The following GMDS variants were observed in gnomAD, a reference collection of about 807,000 sequenced individuals.
GMDS encodes the protein GDP-mannose 4,6-dehydratase.
In GMDS, 20 loss-of-function variants were observed where a neutral mutation model predicts 49.9. That is an observed-to-expected ratio of 0.40 (90% CI 0.28 to 0.58). GMDS has a LOEUF of 0.58. Among genes scored for constraint, GMDS ranks in the 20% least tolerant of loss-of-function variants. GMDS has a pLI of 0.42. For missense variants in GMDS, 362 were observed against 481.4 expected (o/e 0.75, Z 2.32); for synonymous variants, 177 against 178.6 (o/e 0.99, Z 0.07).
rs115705778 is a variant in GMDS, at chr6:2,142,838, G to A, written c.103-18107C>T. On this transcript the variant is annotated intron_variant, in intron 1 of 10. Transcript: ENST00000380815. ...TAACTGTCAGGAAGCCCCCAGACTC[G>A]CCTGCCTGTCACACTGGCTTTCTCT... Among the ~76,000 whole-genome samples the A allele has an allele frequency of 5.7e-3, 868 of 152,164 alleles. 2 individuals carry two copies. Among genetic ancestry groups the A allele is most frequent in the Middle Eastern group, 0.017 (5 of 294 alleles).
At chr6:1,922,304 A>C (rs975705661) in intron 7 of GMDS, among the ~76,000 whole-genome samples, 2 of 152,204 alleles carry the variant, frequency 1.3e-5, no homozygotes, top group Non-Finnish European at 2.9e-5. Flanking sequence ...GCTTTCTGTT[A>C]AGTAAGGCCT....
chr6:2,068,627 C>A (rs201250574), intron 4 of GMDS, among the ~76,000 whole-genome samples: 28,542 of 151,876 alleles, frequency 0.19, 2,988 homozygotes, highest in East Asian at 0.23. Context: ...CAACAACAGA[C>A]AAACAGAGAG....
intron 1 of GMDS, among the ~76,000 whole-genome samples, chr6:2,185,914 G>T (rs183255991): frequency 2.0e-4 from 30 of 152,180 alleles, no homozygotes; most frequent in African/African-American, 7.0e-4. Flanking sequence ...CCAAAACTCT[G>T]CAGATTGTTA....
intron 9 of GMDS, among the ~76,000 whole-genome samples, chr6:1,681,323 C>A (rs1764781803): frequency 1.3e-5 from 2 of 152,164 alleles, no homozygotes; most frequent in Admixed American, 1.3e-4. Flanking sequence ...CCATGGGTGA[C>A]ATCTTACTAC....
chr6:2,000,197 G>A (rs564194295), intron 4 of GMDS, among the ~76,000 whole-genome samples: 16 of 146,314 alleles, frequency 1.1e-4, no homozygotes, highest in African/African-American at 2.8e-4. Context: ...CACCATGCCC[G>A]GCTAATTTTT....
chr6:1,878,035 T>C (rs554319276), intron 7 of GMDS, among the ~76,000 whole-genome samples: 28 of 152,176 alleles, frequency 1.8e-4, no homozygotes, highest in East Asian at 5.8e-4. Flanking sequence ...GAAGTCCTGC[T>C]GGGCGCGGTG....
chr6:1,826,898 A>T (rs1266465705), intron 7 of GMDS, among the ~76,000 whole-genome samples: 1 of 150,344 alleles, frequency 6.7e-6, no homozygotes, highest in African/African-American at 2.4e-5. Context: ...GACACTCTCT[A>T]AAAAAAAAGG....
Position 1,808,090 on chromosome 6 carries a change from C to A in GMDS, c.772-65504G>T, listed in dbSNP as rs1770256464. 2.0e-5 allele frequency among the ~76,000 whole-genome samples: 3 copies of A among 152,308 alleles called. No homozygotes were observed. In the South Asian group the frequency reaches 6.2e-4, roughly 32 times the overall value. On this transcript the variant is annotated intron_variant, in intron 7 of 10. Coordinates refer to ENST00000380815, the MANE Select transcript of GMDS (RefSeq NM_001500.4). ...TGTAATTTGCAGTACGCTTTTCTGC[C>A]TCCCTGATTAAACTGATAACTTCTT...
chr6:2,151,868 T>C (rs1373843482), intron 1 of GMDS, among the ~76,000 whole-genome samples: 1 of 152,156 alleles, frequency 6.6e-6, no homozygotes, highest in African/African-American at 2.4e-5. Flanking sequence ...TGATTTTTTC[T>C]TATGACAAAT....
intron 1 of GMDS, among the ~76,000 whole-genome samples, chr6:2,174,158 T>G (rs976599640): frequency 1.3e-5 from 2 of 152,216 alleles, no homozygotes; most frequent in African/African-American, 4.8e-5. Flanking sequence ...TGTGCAAGGT[T>G]CTGTGCTTAG....
intron 9 of GMDS, among the ~76,000 whole-genome samples, chr6:1,654,897 C>T (rs182694568): frequency 3.3e-5 from 5 of 152,004 alleles, no homozygotes; most frequent in African/African-American, 1.2e-4. Context: ...CCCATCTCTA[C>T]TAAAAATACA....
At chr6:1,944,569 C>T (rs1306468911) in intron 6 of GMDS, among the ~76,000 whole-genome samples, 1 of 149,964 alleles carries the variant, frequency 6.7e-6, no homozygotes, top group Non-Finnish European at 1.5e-5. Context: ...ACTCGGGAGG[C>T]TGAGGCAGGA....
chr6:1,754,572 C>CA (rs1481549959), intron 7 of GMDS, among the ~76,000 whole-genome samples: 3 of 151,982 alleles, frequency 2.0e-5, no homozygotes, highest in East Asian at 3.8e-4. Context: ...TGAGACACAA[C>CA]AAAAAAAGAC....
intron 4 of GMDS, among the ~76,000 whole-genome samples, chr6:2,020,215 T>C (rs542571223): frequency 4.6e-5 from 7 of 152,240 alleles, no homozygotes; most frequent in Non-Finnish European, 1.0e-4. Flanking sequence ...AGGCTAGCCT[T>C]GAGAACAATA....
chr6:2,208,979 C>T (rs1248274786), intron 1 of GMDS, among the ~76,000 whole-genome samples: 1 of 152,154 alleles, frequency 6.6e-6, no homozygotes, highest in East Asian at 1.9e-4. Context: ...ACTTAATTCT[C>T]AAGCTCAGTT....
intron 7 of GMDS, among the ~76,000 whole-genome samples, chr6:1,854,313 A>C (rs1757846695): frequency 6.6e-6 from 1 of 152,178 alleles, no homozygotes; most frequent in African/African-American, 2.4e-5. Context: ...TACTGCAAAC[A>C]AGGGCAAAAA....
chr6:1,678,629 T>C (rs1312232220), intron 9 of GMDS, among the ~76,000 whole-genome samples: 3 of 151,964 alleles, frequency 2.0e-5, no homozygotes, highest in Non-Finnish European at 1.5e-5. Flanking sequence ...CATGGAAAGG[T>C]AACACGTAAA....
chr6:1,624,294 C>G (rs963863210), intron 10 of GMDS, 63 bp from the exon 11 acceptor site: 44 of 1,475,542 alleles, frequency 3.0e-5, no homozygotes, highest in Non-Finnish European at 4.1e-5. Context: ...GACACCCCAC[C>G]CCGGGTGTCG....
chr6:1,824,620 G>A (rs1242885833), intron 7 of GMDS, among the ~76,000 whole-genome samples: 1 of 152,036 alleles, frequency 6.6e-6, no homozygotes, highest in Admixed American at 6.5e-5. Context: ...TATCAGATGA[G>A]GATCCAAACC....
Sources: allele counts gnomAD v4.1 joint callset (sites outside exome capture counted in the v4.1 genomes callset), GRCh38; gene constraint gnomAD v4.1.1; transcripts MANE v1.5; gene names NCBI Gene and HGNC (gene_info 2026-07-23, HGNC 2026-07-21).